The following CALM2 variants were observed in gnomAD, a reference collection of about 807,000 sequenced individuals.
The protein encoded by CALM2 is calmodulin 2.
Under a neutral mutation model 19.8 loss-of-function variants are expected in CALM2, and 2 were observed. The ratio of observed to expected loss-of-function variants is 0.10; its 90% CI spans 0.04 to 0.32. The LOEUF is 0.32. Ranked by LOEUF, CALM2 falls within the 10% of genes least tolerant of loss-of-function variation. The probability of loss-of-function intolerance (pLI) is 1.00; values close to 1 mark genes in which losing one functional copy is unlikely to be tolerated. For synonymous variants in CALM2, 51 were observed against 52.1 expected (o/e 0.98, Z 0.09); for missense variants, 38 against 178.7 (o/e 0.21, Z 4.49).
rs550891768 is a variant in CALM2 at position 47,175,773 on chromosome 2, G to A, written c.3+668C>T. ...CCAGCAGAGCAGCTGGAGCTCGAGCGGGGCCGAGCGGGGCGGCGGCTCCGG... is the reference window on the plus strand; with the variant it reads ...CCAGCAGAGCAGCTGGAGCTCGAGCAGGGCCGAGCGGGGCGGCGGCTCCGG... On this transcript the variant is annotated intron_variant, in intron 1 of 5. Coordinates refer to ENST00000272298, the MANE Select transcript of CALM2 (RefSeq NM_001743.6). 1.9e-3 allele frequency among the ~76,000 whole-genome samples: 284 copies of A among 150,126 alleles called. 2 individuals carry two copies. The highest frequency in any genetic ancestry group is 6.6e-3 in the African/African-American group (274 of 41,304).
At chr2:47,171,982 T>TAAAAAAAAAAAAAAAAAAAAAAA (rs60765781) in intron 1 of CALM2, 1 of 104,080 alleles carries the variant, frequency 9.6e-6, no homozygotes, top group Non-Finnish European at 1.8e-5. Flanking sequence ...TCAAATTCAT[T>TAAAAAAAAAAAAAAAAAAAAAAA]AAAAAAAAAA....
At chr2:47,165,645 T>G (rs549923236) in intron 2 of CALM2, among the ~76,000 whole-genome samples, 1 of 152,158 alleles carries the variant, frequency 6.6e-6, no homozygotes, top group Non-Finnish European at 1.5e-5. Flanking sequence ...AATTTTATCC[T>G]TTTTTTCCAC....
intron 4 of CALM2, 115 bp downstream of exon 4, chr2:47,162,171 C>CAAAAAAAAAAAAAAAAA (rs56839340): frequency 1.8e-4 from 24 of 130,130 alleles, no homozygotes; most frequent in African/African-American, 3.1e-4. Context: ...GGTAAATCAT[C>CAAAAAAAAAAAAAAAAA]AAAAAAAAAA....
intron 3 of CALM2, 31 bp downstream of exon 3, chr2:47,162,488 C>T (rs773024711): frequency 1.9e-6 from 3 of 1,613,530 alleles, no homozygotes; most frequent in Admixed American, 1.7e-5. Flanking sequence ...CTTCTTCAAC[C>T]CCTCCCAGCC....
chr2:47,175,091 T>TTTTTTTG (rs1666808101), intron 1 of CALM2, among the ~76,000 whole-genome samples: 1 of 135,170 alleles, frequency 7.4e-6, no homozygotes, highest in South Asian at 2.3e-4. Flanking sequence ...GTTTTTTTTT[T>TTTTTTTG]TTTTTTTCAG....
chr2:47,161,948 T>G, intron 4 of CALM2, 90 bp from the exon 5 acceptor site: 1 of 1,079,532 alleles, frequency 9.3e-7, no homozygotes, highest in Non-Finnish European at 1.4e-6. Flanking sequence ...AAATTTCACA[T>G]TGGGGGAAAA....
chr2:47,161,576 C>G (rs989250211), intron 5 of CALM2, 147 bp downstream of exon 5: 4 of 651,164 alleles, frequency 6.1e-6, no homozygotes, highest in Admixed American at 3.4e-5. Flanking sequence ...AGACAACACT[C>G]TGAATTTTAA....
intron 2 of CALM2, among the ~76,000 whole-genome samples, chr2:47,167,963 T>A (rs542552352): frequency 6.6e-6 from 1 of 151,328 alleles, no homozygotes; most frequent in Non-Finnish European, 1.5e-5. Flanking sequence ...GATTAAAAAA[T>A]TGCCTTCATC....
chr2:47,163,741 CTTCT>C (rs1427098583), intron 2 of CALM2: 5 of 152,144 alleles, frequency 3.3e-5, no homozygotes, highest in African/African-American at 9.7e-5. Flanking sequence ...CTATATGTTC[CTTCT>C]AATACATCAC....
chr2:47,172,824 TGGGA>T (rs1558700982), intron 1 of CALM2: 1 of 7,858 alleles, frequency 1.3e-4, no homozygotes, highest in African/African-American at 6.0e-4. Flanking sequence ...GGGGGGGGGG[TGGGA>T]AATGGGACTT....
At chr2:47,176,248 C>T in intron 1 of CALM2, 193 bp downstream of exon 1, 1 of 637,606 alleles carries the variant, frequency 1.6e-6, no homozygotes, top group Non-Finnish European at 2.7e-6. Flanking sequence ...GAGGAAGCCC[C>T]CCTGAAGAGA....
chr2:47,167,905 A>T (rs1392378551), intron 2 of CALM2, among the ~76,000 whole-genome samples: 3 of 147,670 alleles, frequency 2.0e-5, no homozygotes, highest in Non-Finnish European at 4.5e-5. Context: ...AAGTGTTGGG[A>T]TTAGACATGC....
chr2:47,176,530 C>A (rs765068400), upstream of CALM2: 29 of 1,586,348 alleles, frequency 1.8e-5, no homozygotes, highest in Non-Finnish European at 2.5e-5. Flanking sequence ...TCCTCCGCCC[C>A]CAGCGCCTCA....
chr2:47,163,399 T>C (rs1309149425), intron 2 of CALM2: 2 of 152,112 alleles, frequency 1.3e-5, no homozygotes, highest in Admixed American at 6.5e-5. Flanking sequence ...TGATTATTCC[T>C]CAACATCTTG....
chr2:47,176,419 G>A (rs750039599), intron 1 of CALM2, 22 bp downstream of exon 1: 33 of 1,612,452 alleles, frequency 2.0e-5, no homozygotes, highest in Non-Finnish European at 2.4e-5. Context: ...GCCCAGCGCC[G>A]GCAGCTCAGC....
intron 2 of CALM2, chr2:47,163,206 C>T (rs1687209667): frequency 6.6e-6 from 1 of 152,550 alleles, no homozygotes; most frequent in African/African-American, 2.4e-5. Flanking sequence ...CAATCACCTA[C>T]TAAATTAAAA....
At position 47,167,814 on chromosome 2, in the gene CALM2, C is replaced by CCTTTTTTTTTTTTTTTTTTTTT. The variant is rs775532408; in HGVS notation, c.34+2919_34+2920insAAAAAAAAAAAAAAAAAAAAAG. ...AAAAAAAAAAATTTTTTTTTCTTTTCTTTGAGACAGGGTCTTGCTGTGTTG... is the reference window on the plus strand; with the variant it reads ...AAAAAAAAAAATTTTTTTTTCTTTTCCTTTTTTTTTTTTTTTTTTTTTTTTGAGACAGGGTCTTGCTGTGTTG... On this transcript the variant is annotated intron_variant, in intron 2 of 5. Transcript: ENST00000272298. The CCTTTTTTTTTTTTTTTTTTTTT allele has an allele frequency of 5.7e-3, 545 of 96,434 alleles. 82 individuals carry two copies. Among genetic ancestry groups the CCTTTTTTTTTTTTTTTTTTTTT allele is most frequent in the African/African-American group, 0.029 (520 of 17,878 alleles). 6.0% of individuals were successfully genotyped at this position (96,434 alleles called of 1,614,324 possible).
At chr2:47,165,492 A>G (rs545430053) in intron 2 of CALM2, among the ~76,000 whole-genome samples, 61 of 152,278 alleles carry the variant, frequency 4.0e-4, no homozygotes, top group African/African-American at 1.4e-3. Context: ...CAAGATAAAG[A>G]CTATCTCATT....
chr2:47,161,608 G>A, intron 5 of CALM2, 115 bp downstream of exon 5: 3 of 918,682 alleles, frequency 3.3e-6, no homozygotes, highest in Non-Finnish European at 4.9e-6. Flanking sequence ...GTAAGTAACT[G>A]TTTTAGCAAC....
Sources: gnomAD v4.1 joint callset for allele counts (sites outside exome capture counted in the v4.1 genomes callset) on GRCh38, gnomAD v4.1.1 for gene constraint, MANE v1.5 for transcripts, NCBI Gene and HGNC (gene_info 2026-07-23, HGNC 2026-07-21) for gene names.